The following DLG2 variants were observed in gnomAD, a reference collection of about 807,000 sequenced individuals.
The protein encoded by DLG2 is discs large MAGUK scaffold protein 2.
DLG2 carries 45 observed loss-of-function variants against 132.5 expected under a neutral mutation model. That is an observed-to-expected ratio of 0.34 (90% CI 0.27 to 0.44). The LOEUF (loss-of-function observed/expected upper bound fraction) is 0.44. Ranked by LOEUF, DLG2 falls within the 20% of genes least tolerant of loss-of-function variation. DLG2 has a pLI of 1.00. For synonymous variants in DLG2, 424 were observed against 419.6 expected, an observed-to-expected ratio of 1.01 and a Z score of -0.13; for missense variants, 1,045 against 1,196.9, an observed-to-expected ratio of 0.87 and a Z score of 1.87.
At chr11:84,310,339 T>C (rs1362068625) in intron 7 of DLG2, among the ~76,000 whole-genome samples, 1 of 152,170 alleles carries the variant, frequency 6.6e-6, no homozygotes, top group Non-Finnish European at 1.5e-5. Flanking sequence ...TCCATTTACA[T>C]CTTCAAAATG....
chr11:84,072,442 T>C lies in DLG2; in HGVS notation c.750-12958A>G, dbSNP rs562953612. 1.9e-3 allele frequency among the ~76,000 whole-genome samples: 287 copies of C among 152,276 alleles called. 2 individuals carry two copies. The highest frequency in any genetic ancestry group is 6.5e-3 in the African/African-American group (268 of 41,544). On this transcript the variant is annotated intron_variant, in intron 10 of 27. Transcript: ENST00000376104. ...GGAAAAATGCTATTAAAATTCAATATAAGTGCTATGGCAAGAGAAATACAG... is the reference window on the plus strand; with the variant it reads ...GGAAAAATGCTATTAAAATTCAATACAAGTGCTATGGCAAGAGAAATACAG...
intron 19 of DLG2, among the ~76,000 whole-genome samples, chr11:83,554,884 C>T (rs1284196600): frequency 6.6e-6 from 1 of 152,186 alleles, no homozygotes; most frequent in African/African-American, 2.4e-5. Flanking sequence ...AATAAATGCT[C>T]ATTATGTGCC....
At chr11:85,513,367 T>C (rs2094115144) in intron 3 of DLG2, among the ~76,000 whole-genome samples, 1 of 151,906 alleles carries the variant, frequency 6.6e-6, no homozygotes, top group Non-Finnish European at 1.5e-5. Context: ...AAAATAGAGT[T>C]TTTAATATGA....
chr11:84,822,403 T>C (rs991160165), intron 6 of DLG2, among the ~76,000 whole-genome samples: 2 of 151,878 alleles, frequency 1.3e-5, no homozygotes, highest in African/African-American at 4.8e-5. Flanking sequence ...AGAGTATGAA[T>C]AATTAATTAG....
At chr11:83,823,519 A>G (rs1053034981) in intron 17 of DLG2, among the ~76,000 whole-genome samples, 1 of 152,190 alleles carries the variant, frequency 6.6e-6, no homozygotes, top group Non-Finnish European at 1.5e-5. Flanking sequence ...TTGGCCAGAA[A>G]TCTAAAAGCT....
chr11:85,146,223 TCTCC>T (rs1481082637), intron 5 of DLG2, among the ~76,000 whole-genome samples: 1,216 of 117,390 alleles, frequency 0.01, 22 homozygotes, highest in African/African-American at 0.039. Flanking sequence ...TATGTCTGTT[TCTCC>T]CTCTCTCTCT....
At chr11:85,513,570 C>T (rs2094119006) in intron 3 of DLG2, among the ~76,000 whole-genome samples, 2 of 151,876 alleles carry the variant, frequency 1.3e-5, no homozygotes, top group South Asian at 2.1e-4. Flanking sequence ...CTTCAATGAG[C>T]ACTTATCTTT....
intron 15 of DLG2, among the ~76,000 whole-genome samples, chr11:83,880,931 C>T (rs563612953): frequency 2.6e-5 from 4 of 152,152 alleles, no homozygotes; most frequent in African/African-American, 7.2e-5. Context: ...ACTTTTGATT[C>T]TTTCTTTATG....
chr11:85,507,103 T>C (rs1404767270), intron 3 of DLG2, among the ~76,000 whole-genome samples: 3 of 152,226 alleles, frequency 2.0e-5, no homozygotes, highest in Non-Finnish European at 4.4e-5. Flanking sequence ...CCTATGTGTG[T>C]GTCTGCACGT....
intron 6 of DLG2, among the ~76,000 whole-genome samples, chr11:84,556,442 C>A (rs539351627): frequency 6.6e-6 from 1 of 152,166 alleles, no homozygotes; most frequent in Non-Finnish European, 1.5e-5. Context: ...ATCCAGTCTC[C>A]GATCTTTTGG....
chr11:84,783,434 T>C (rs182904739), intron 6 of DLG2, among the ~76,000 whole-genome samples: 8 of 152,308 alleles, frequency 5.3e-5, no homozygotes, highest in Admixed American at 5.2e-4. Context: ...TCTCTTTCTG[T>C]AGCATCCTTT....
chr11:84,843,512 T>C (rs922388634), intron 6 of DLG2, among the ~76,000 whole-genome samples: 1 of 151,946 alleles, frequency 6.6e-6, no homozygotes, highest in Non-Finnish European at 1.5e-5. Context: ...CATTATTCCT[T>C]TGTATAATAG....
chr11:84,307,294 T>C (rs912553042), intron 7 of DLG2, among the ~76,000 whole-genome samples: 17 of 152,222 alleles, frequency 1.1e-4, no homozygotes, highest in African/African-American at 4.1e-4. Context: ...GGGAGCTAAA[T>C]ATTGAGTACT....
chr11:83,532,236 TCA>T (rs2095768789), intron 21 of DLG2, among the ~76,000 whole-genome samples: 1 of 152,252 alleles, frequency 6.6e-6, no homozygotes, highest in East Asian at 1.9e-4. Flanking sequence ...TAAATTTTAG[TCA>T]TTAATTCTCT....
intron 14 of DLG2, among the ~76,000 whole-genome samples, chr11:83,934,597 A>G (rs1310252967): frequency 6.6e-6 from 1 of 152,148 alleles, no homozygotes; most frequent in Admixed American, 6.5e-5. Context: ...TACAAGGTCA[A>G]AGGAATATGA....
chr11:84,184,997 G>A (rs2096246060), intron 8 of DLG2, among the ~76,000 whole-genome samples: 1 of 152,184 alleles, frequency 6.6e-6, no homozygotes, highest in Non-Finnish European at 1.5e-5. Flanking sequence ...TTTGAAATCA[G>A]GTAGCGTGAT....
intron 3 of DLG2, among the ~76,000 whole-genome samples, chr11:85,541,488 C>G: frequency 6.6e-6 from 1 of 150,536 alleles, no homozygotes; most frequent in East Asian, 1.9e-4. Context: ...AATGTTTTAT[C>G]TTTAATAAAT....
At chr11:85,170,486 A>T (rs1412411643) in intron 4 of DLG2, among the ~76,000 whole-genome samples, 1 of 152,148 alleles carries the variant, frequency 6.6e-6, no homozygotes, top group African/African-American at 2.4e-5. Flanking sequence ...CAGGAAAAAT[A>T]GTGGGGAAAG....
At chr11:85,090,976 A>G (rs2068672551) in intron 6 of DLG2, among the ~76,000 whole-genome samples, 1 of 152,300 alleles carries the variant, frequency 6.6e-6, no homozygotes, top group Non-Finnish European at 1.5e-5. Context: ...AGAGGAAACA[A>G]AGAGAGACAG....
Sources: gnomAD v4.1 joint callset for allele counts (sites outside exome capture counted in the v4.1 genomes callset) on GRCh38, gnomAD v4.1.1 for gene constraint, MANE v1.5 for transcripts, NCBI Gene and HGNC (gene_info 2026-07-23, HGNC 2026-07-21) for gene names.